The following ADAM12 variants were observed in gnomAD, a reference collection of about 807,000 sequenced individuals.
ADAM12 encodes disintegrin and metalloproteinase domain-containing protein 12.
In ADAM12, 70 loss-of-function variants were observed where a neutral mutation model predicts 106.4. The observed-to-expected ratio is 0.66, with a 90% CI of 0.54 to 0.80. ADAM12 has a LOEUF of 0.80. Ranked by LOEUF, ADAM12 falls within the 30% of genes least tolerant of loss-of-function variation. The pLI, the probability that ADAM12 is intolerant of heterozygous loss-of-function variation, is 0.00. For synonymous variants in ADAM12, 420 were observed against 433.5 expected (o/e 0.97, Z 0.39); for missense variants, 1,010 against 1,171.9 (o/e 0.86, Z 2.02).
rs927806935 is a variant in ADAM12 at position 126,102,715 on chromosome 10, C to T, written c.742-1474G>A. 1.1e-4 allele frequency among the ~76,000 whole-genome samples: 17 copies of T among 152,294 alleles called. 1 individual carries two copies. The South Asian group carries it at 1.2e-3, about 11-fold the overall frequency. The stretch of plus-strand genomic sequence containing the variant: ...ACATTACATTAATGAGTTAACGAGA[C>T]GATTACATGACTACAACACAGCCCA... On this transcript the variant is annotated intron_variant, in intron 8 of 22. Transcript: ENST00000448723.
At chr10:126,203,190 C>T (rs1198820141) in intron 3 of ADAM12, among the ~76,000 whole-genome samples, 1 of 152,194 alleles carries the variant, frequency 6.6e-6, no homozygotes. Context: ...ACCTTAATAA[C>T]TAATCAGAGT....
chr10:126,287,959 C>A (rs1959952179), intron 2 of ADAM12, among the ~76,000 whole-genome samples: 1 of 152,014 alleles, frequency 6.6e-6, no homozygotes, highest in Admixed American at 6.6e-5. Flanking sequence ...ACCGAGATGC[C>A]TCTGTAGGAT....
chr10:126,038,702 A>G (rs1954101674), intron 19 of ADAM12, among the ~76,000 whole-genome samples: 1 of 152,196 alleles, frequency 6.6e-6, no homozygotes, highest in Non-Finnish European at 1.5e-5. Flanking sequence ...TCCATGTTGT[A>G]TAAAAATTAC....
chr10:126,384,644 A>T (rs1411480311), intron 1 of ADAM12, among the ~76,000 whole-genome samples: 1 of 152,164 alleles, frequency 6.6e-6, no homozygotes. Context: ...TATTGAAAGG[A>T]GGTTGATAGT....
chr10:126,354,346 C>T (rs1256206351), intron 1 of ADAM12, among the ~76,000 whole-genome samples: 1 of 152,184 alleles, frequency 6.6e-6, no homozygotes, highest in Non-Finnish European at 1.5e-5. Context: ...GGCTCCAGCC[C>T]TCTACCAAGC....
chr10:126,246,603 T>G (rs1246631287), intron 3 of ADAM12, among the ~76,000 whole-genome samples: 1 of 152,142 alleles, frequency 6.6e-6, no homozygotes, highest in Non-Finnish European at 1.5e-5. Context: ...TAGATGTGAT[T>G]CATCACATAA....
intron 6 of ADAM12, among the ~76,000 whole-genome samples, chr10:126,112,331 T>G (rs1435056607): frequency 6.7e-6 from 1 of 149,530 alleles, no homozygotes; most frequent in Non-Finnish European, 1.5e-5. Context: ...TGCACATGTA[T>G]CCTGTTTTTT....
In ADAM12 at chr10:126,288,740, G is replaced by A. The variant is rs543774315; in HGVS notation, c.187-9752C>T. Among the ~76,000 whole-genome samples, 10 of 147,530 alleles carry A rather than the reference G, an allele frequency of 6.8e-5. No homozygotes were observed. The East Asian group carries it at 1.0e-3, about 15-fold the overall frequency. The stretch of plus-strand genomic sequence containing the variant: ...ACATAGTGGCCCTAGGGACAGGACC[G>A]TGTGGTGACATAATGGCCCAGGGAC... On this transcript the variant is annotated intron_variant, in intron 2 of 22. Coordinates refer to ENST00000448723, the MANE Select transcript of ADAM12 (RefSeq NM_001288973.2).
chr10:126,018,603 CAT>C (rs748419625), intron 22 of ADAM12, among the ~76,000 whole-genome samples: 32 of 152,158 alleles, frequency 2.1e-4, no homozygotes, highest in Non-Finnish European at 3.7e-4. Context: ...TATAAAATAT[CAT>C]AAATTTGTAT....
At chr10:126,191,525 A>T (rs1957500340) in intron 3 of ADAM12, among the ~76,000 whole-genome samples, 1 of 151,624 alleles carries the variant, frequency 6.6e-6, no homozygotes, top group Non-Finnish European at 1.5e-5. Context: ...TGATGTGTAT[A>T]GAAGGAGATG....
chr10:126,131,579 C>T (rs569989753), intron 5 of ADAM12, among the ~76,000 whole-genome samples: 1 of 152,190 alleles, frequency 6.6e-6, no homozygotes, highest in Non-Finnish European at 1.5e-5. Context: ...GGATTCGTGC[C>T]CTTATAAGGG....
chr10:126,371,830 C>A (rs1856121926), intron 1 of ADAM12, among the ~76,000 whole-genome samples: 2 of 152,192 alleles, frequency 1.3e-5, no homozygotes, highest in South Asian at 2.1e-4. Flanking sequence ...TCTCAAAAAG[C>A]CAGTGGAAGC....
intron 11 of ADAM12, among the ~76,000 whole-genome samples, chr10:126,091,598 C>T (rs367937937): frequency 8.8e-6 from 1 of 113,312 alleles, no homozygotes; most frequent in Admixed American, 8.4e-5. Context: ...TTAGCAAACC[C>T]CTGGTAATGG....
intron 2 of ADAM12, among the ~76,000 whole-genome samples, chr10:126,319,316 G>T (rs776804577): frequency 1.9e-4 from 29 of 152,162 alleles, no homozygotes; most frequent in African/African-American, 6.3e-4. Context: ...AAGGAGCTTT[G>T]TAAGTGGAGA....
rs1014504182 is a variant in ADAM12 at position 126,360,155 on chromosome 10, C to T, written c.88+27903G>A. 2.6e-5 allele frequency among the ~76,000 whole-genome samples: 4 copies of T among 152,204 alleles called. No homozygotes were observed. The South Asian group carries it at 6.2e-4, about 24-fold the overall frequency. On this transcript the variant is annotated intron_variant, in intron 1 of 22. Coordinates refer to ENST00000448723, the MANE Select transcript of ADAM12 (RefSeq NM_001288973.2). Reference sequence around the variant, plus strand: ...GCACAGGGACCCTGGGCCTGACCCACGAAACCATTCTTTTCCCCCTAGGTC... The same window carrying T: ...GCACAGGGACCCTGGGCCTGACCCATGAAACCATTCTTTTCCCCCTAGGTC...
chr10:126,321,020 A>C (rs1343926693), intron 2 of ADAM12, among the ~76,000 whole-genome samples: 1 of 152,182 alleles, frequency 6.6e-6, no homozygotes, highest in Non-Finnish European at 1.5e-5. Context: ...GAGCTTCTCA[A>C]GGGCAGGATT....
At chr10:126,191,441 G>C (rs1957499372) in intron 3 of ADAM12, among the ~76,000 whole-genome samples, 1 of 152,154 alleles carries the variant, frequency 6.6e-6, no homozygotes, top group African/African-American at 2.4e-5. Flanking sequence ...CATGAGTCCA[G>C]ATGAAAGGTG....
chr10:126,216,560 A>G (rs1957991479), intron 3 of ADAM12, among the ~76,000 whole-genome samples: 1 of 152,128 alleles, frequency 6.6e-6, no homozygotes, highest in African/African-American at 2.4e-5. Context: ...GGTCTGAGTA[A>G]CTCCAGGAAA....
intron 11 of ADAM12, among the ~76,000 whole-genome samples, chr10:126,080,688 T>C (rs1955195122): frequency 1.3e-5 from 2 of 150,030 alleles, no homozygotes; most frequent in South Asian, 2.2e-4. Flanking sequence ...AAGTTTACCA[T>C]GTTGAATGCA....
Sources: gnomAD v4.1 joint callset for allele counts (sites outside exome capture counted in the v4.1 genomes callset) on GRCh38, gnomAD v4.1.1 for gene constraint, MANE v1.5 for transcripts, NCBI Gene and HGNC (gene_info 2026-07-23, HGNC 2026-07-21) for gene names.